FILIP1: variants seen among roughly 807,000 people sequenced by gnomAD.
FILIP1 encodes the protein filamin A interacting protein 1.
A neutral mutation model predicts 102.1 loss-of-function variants in FILIP1; 61 were observed. That is an observed-to-expected ratio of 0.60 (90% CI 0.49 to 0.74). The LOEUF (loss-of-function observed/expected upper bound fraction) is 0.74. Among genes scored for constraint, FILIP1 ranks in the 30% least tolerant of loss-of-function variants. FILIP1 has a pLI of 0.00. For missense variants in FILIP1, 1,314 were observed against 1,441.2 expected (o/e 0.91, Z 1.43); for synonymous variants, 491 against 526.9 (o/e 0.93, Z 0.93).
chr6:75,364,397 TG>T (rs931618607), intron 2 of FILIP1, among the ~76,000 whole-genome samples: 15 of 152,166 alleles, frequency 9.9e-5, no homozygotes, highest in Admixed American at 9.8e-4. Flanking sequence ...GCTTACGTAG[TG>T]AGTGAAGAGC....
chr6:75,372,689 AAGAAAGAGAAAGAAAGAAAGAAAG>A (rs1562514921), intron 2 of FILIP1, among the ~76,000 whole-genome samples: 17 of 45,550 alleles, frequency 3.7e-4, no homozygotes, highest in African/African-American at 1.1e-3. Context: ...AAGAAAGAGA[AAGAAAGAGAAAGAAAGAAAGAAAG>A]GAAAGAAAGA....
chr6:75,308,537 A>G lies in FILIP1; in HGVS notation c.*154T>C. On this transcript the variant is annotated 3_prime_UTR_variant, in exon 6 of 6. Coordinates refer to ENST00000237172, the MANE Select transcript of FILIP1 (RefSeq NM_015687.5). ...TCCCCAGCATCAAAACAAATGCACAAAATGGGAAAGACAAATGGTTATTAG... is the reference window on the plus strand; with the variant it reads ...TCCCCAGCATCAAAACAAATGCACAGAATGGGAAAGACAAATGGTTATTAG... The G allele has an allele frequency of 1.4e-6, 2 of 1,457,454 alleles. No homozygotes were observed. The highest frequency in any genetic ancestry group is 2.9e-5 in the South Asian group (2 of 69,336). 90.3% of individuals were successfully genotyped at this position (1,457,454 alleles called of 1,614,324 possible).
chr6:75,479,895 A>AAG (rs1779602207), intron 1 of FILIP1, among the ~76,000 whole-genome samples: 1 of 149,734 alleles, frequency 6.7e-6, no homozygotes, highest in African/African-American at 2.4e-5. Flanking sequence ...AAAAAAAAAA[A>AAG]GTCTTATATT....
rs548372405 is a variant in FILIP1 at position 75,442,021 on chromosome 6, C to T, written c.-6-27043G>A. Among the ~76,000 whole-genome samples, 27 of 151,484 alleles carry T rather than the reference C, an allele frequency of 1.8e-4. No individual in the cohort carries two copies. The South Asian group carries it at 5.6e-3, about 32-fold the overall frequency. On this transcript the variant is annotated intron_variant, in intron 1 of 5. Coordinates refer to ENST00000237172, the MANE Select transcript of FILIP1 (RefSeq NM_015687.5). The stretch of plus-strand genomic sequence containing the variant: ...ACGGGGTGGCTGCTGGGCGGAGGGG[C>T]TCCTCACTTCTGGGACGGGGCGGCT...
At chr6:75,457,107 G>A (rs1057264768) in intron 1 of FILIP1, among the ~76,000 whole-genome samples, 2 of 152,030 alleles carry the variant, frequency 1.3e-5, no homozygotes, top group African/African-American at 4.8e-5. Flanking sequence ...CATATTTTAC[G>A]AGTTTCAACA....
intron 1 of FILIP1, among the ~76,000 whole-genome samples, chr6:75,469,171 A>G (rs548115206): frequency 1.6e-4 from 24 of 152,180 alleles, no homozygotes; most frequent in African/African-American, 5.8e-4. Context: ...ACAATGTAGA[A>G]TAAACTTCCA....
intron 5 of FILIP1, among the ~76,000 whole-genome samples, chr6:75,310,457 A>C (rs1398037337): frequency 6.6e-6 from 1 of 152,250 alleles, no homozygotes; most frequent in Non-Finnish European, 1.5e-5. Context: ...CTCAGTGTTT[A>C]AATTCTAAGA....
At chr6:75,317,992 T>C (rs996055562) in intron 4 of FILIP1, among the ~76,000 whole-genome samples, 7 of 152,304 alleles carry the variant, frequency 4.6e-5, no homozygotes, top group Non-Finnish European at 7.4e-5. Flanking sequence ...CCTGACCTCC[T>C]TGATAAGTTC....
Position 75,353,534 on chromosome 6 carries a change from A to T in FILIP1, c.629+5T>A. 2 of 1,614,070 alleles carry T rather than the reference A, an allele frequency of 1.2e-6. No individual in the cohort carries two copies. Among genetic ancestry groups the T allele is most frequent in the East Asian group, 2.2e-5 (1 of 44,878 alleles). ...GATGTGACTGGTGGTGTGTGTGCAC[A>T]TTACCTCTCCCGCTCCTGCTCCAGC... On this transcript the variant is annotated splice_donor_5th_base_variant and intron_variant, in intron 4 of 5. Coordinates refer to ENST00000237172, the MANE Select transcript of FILIP1 (RefSeq NM_015687.5).
At chr6:75,366,398 T>C (rs2951948) in intron 2 of FILIP1, among the ~76,000 whole-genome samples, 8,568 of 152,302 alleles carry the variant, frequency 0.056, 672 homozygotes, top group African/African-American at 0.17. Flanking sequence ...CAAGCAAATA[T>C]GAATTTTAAT....
intron 4 of FILIP1, among the ~76,000 whole-genome samples, chr6:75,326,250 A>G (rs574422220): frequency 3.3e-5 from 5 of 152,324 alleles, no homozygotes; most frequent in African/African-American, 1.2e-4. Context: ...ATTAAGGAAT[A>G]GAAAACCAAA....
chr6:75,368,854 C>T (rs541825036), intron 2 of FILIP1, among the ~76,000 whole-genome samples: 61 of 152,256 alleles, frequency 4.0e-4, no homozygotes, highest in African/African-American at 1.4e-3. Flanking sequence ...AGCAGCAGGA[C>T]AGCGATGGTC....
At chr6:75,346,872 AG>A (rs1366535291) in intron 4 of FILIP1, among the ~76,000 whole-genome samples, 1 of 152,208 alleles carries the variant, frequency 6.6e-6, no homozygotes, top group Non-Finnish European at 1.5e-5. Flanking sequence ...GCATTATCTC[AG>A]AAACTATAGA....
intron 1 of FILIP1, among the ~76,000 whole-genome samples, chr6:75,434,481 C>G (rs558526476): frequency 5.3e-5 from 8 of 152,134 alleles, no homozygotes; most frequent in African/African-American, 1.9e-4. Context: ...CATGATTTGG[C>G]TCTCTGTTTG....
rs1451742767 is a variant in FILIP1, at chr6:75,369,294, G to T, written c.277-6377C>A. 2.2e-4 allele frequency among the ~76,000 whole-genome samples: 33 copies of T among 152,182 alleles called. 1 individual carries two copies. Among genetic ancestry groups the T allele is most frequent in the Admixed American group, 2.2e-3 (33 of 15,282 alleles). ...TGTCCCAGATTGTGTGAGACTAAGG[G>T]AAGCTGAGTCCTGTGAATCTGGACT... is the stretch of plus-strand genomic sequence containing the variant. On this transcript the variant is annotated intron_variant, in intron 2 of 5. Transcript: ENST00000237172.
chr6:75,329,426 G>A (rs984775818), intron 4 of FILIP1, among the ~76,000 whole-genome samples: 3 of 152,126 alleles, frequency 2.0e-5, no homozygotes, highest in African/African-American at 4.8e-5. Flanking sequence ...ATCGGACCCC[G>A]TTTTGCAACA....
intron 2 of FILIP1, among the ~76,000 whole-genome samples, chr6:75,392,273 T>G (rs990480171): frequency 1.2e-4 from 19 of 152,150 alleles, no homozygotes; most frequent in African/African-American, 4.3e-4. Flanking sequence ...TTAAATAGCA[T>G]CTATATACAT....
chr6:75,309,037 G>C, intron 5 of FILIP1, 140 bp from the exon 6 acceptor site: 1 of 874,402 alleles, frequency 1.1e-6, no homozygotes, highest in Non-Finnish European at 1.7e-6. Flanking sequence ...ATAATTGTGA[G>C]AAACTTGGAG....
At chr6:75,425,486 T>C (rs1014629093) in intron 1 of FILIP1, among the ~76,000 whole-genome samples, 6 of 152,156 alleles carry the variant, frequency 3.9e-5, no homozygotes, top group African/African-American at 1.4e-4. Context: ...CTATCTTCTC[T>C]ACCCTCCAGC....
Sources: allele counts gnomAD v4.1 joint callset (sites outside exome capture counted in the v4.1 genomes callset), GRCh38; gene constraint gnomAD v4.1.1; transcripts MANE v1.5; gene names NCBI Gene and HGNC (gene_info 2026-07-23, HGNC 2026-07-21).